The following ANKRD16 variants were observed in gnomAD, a reference collection of about 807,000 sequenced individuals.
ANKRD16 encodes the protein ankyrin repeat domain 16, also known as ankyrin repeat domain-containing protein 16.
Under a neutral mutation model 37.9 loss-of-function variants are expected in ANKRD16, and 35 were observed. The observed-to-expected ratio is 0.92, with a 90% CI of 0.71 to 1.23. ANKRD16 has a LOEUF of 1.23. ANKRD16 is among the 50% of genes most tolerant of loss of function. The probability of loss-of-function intolerance (pLI) is 0.00; values close to 1 mark genes in which losing one functional copy is unlikely to be tolerated. For synonymous variants in ANKRD16, 206 were observed against 197.2 expected, an observed-to-expected ratio of 1.04 and a Z score of -0.37; for missense variants, 480 against 469.9, an observed-to-expected ratio of 1.02 and a Z score of -0.20.
intron 6 of ANKRD16, among the ~76,000 whole-genome samples, chr10:5,879,382 C>T (rs1299163982): frequency 6.6e-6 from 1 of 151,806 alleles, no homozygotes; most frequent in Non-Finnish European, 1.5e-5. Flanking sequence ...GCAGAAGAAT[C>T]GCTTGAACCC....
intron 6 of ANKRD16, among the ~76,000 whole-genome samples, chr10:5,880,018 G>A (rs1407790811): frequency 6.6e-6 from 1 of 151,588 alleles, no homozygotes; most frequent in African/African-American, 2.4e-5. Context: ...AATTAGCCAG[G>A]CATGGTGGTG....
In ANKRD16 at chr10:5,864,400, A is replaced by C. The variant is rs889311705; in HGVS notation, c.*34-1709T>G. 6.6e-6 allele frequency among the ~76,000 whole-genome samples: 1 copy of C among 152,070 alleles called. No individual in the cohort carries two copies. The highest frequency in any genetic ancestry group is 1.5e-5 in the Non-Finnish European group (1 of 68,008). ...CTGTATGGGGAGGGGAATTTGGCCC[A>C]ACCCGGGTACATGTCCCCTTCTCCT... On this transcript the variant is annotated intron_variant, in intron 7 of 7. Transcript: ENST00000380094. The surrounding 1 kb of genome is among the most constrained non-coding windows in gnomAD (Gnocchi z 4.4).
intron 5 of ANKRD16, among the ~76,000 whole-genome samples, chr10:5,881,441 T>TAAATATATATATAA (rs1459236408): frequency 3.8e-4 from 8 of 21,294 alleles, no homozygotes. Flanking sequence ...ATATTATTTA[T>TAAATATATATATAA]ATATATATAT....
intron 5 of ANKRD16, among the ~76,000 whole-genome samples, chr10:5,881,438 T>TTATAAATAAATAAA (rs1422263395): frequency 2.0e-5 from 1 of 51,026 alleles, no homozygotes; most frequent in African/African-American, 7.4e-5. Context: ...AAAATATTAT[T>TTATAAATAAATAAA]TATATATATA....
rs748525342 is a variant in ANKRD16 at position 5,888,070 on chromosome 10, A to T, written c.315-3T>A. ...TGCAGGCCATCATCAGAGGAGTCCT[A>T]AGGCCAACCAGGAGAAGCTGTCAGA... is the stretch of plus-strand genomic sequence containing the variant. On this transcript the variant is annotated splice_polypyrimidine_tract_variant and splice_region_variant and intron_variant, in intron 1 of 7. Coordinates refer to ENST00000380094, the MANE Select transcript of ANKRD16 (RefSeq NM_019046.3). 1 of 1,613,224 alleles carries T rather than the reference A, an allele frequency of 6.2e-7. No individual in the cohort carries two copies. The highest frequency in any genetic ancestry group is 1.7e-5 in the Admixed American group (1 of 59,980).
intron 3 of ANKRD16, among the ~76,000 whole-genome samples, chr10:5,885,162 G>A (rs1842397760): frequency 2.6e-5 from 4 of 152,186 alleles, no homozygotes; most frequent in Admixed American, 2.6e-4. Context: ...CTTGCACCTG[G>A]TACAGGGCTT....
chr10:5,882,007 G>A lies in ANKRD16; in HGVS notation c.849+999C>T, dbSNP rs543910982. ...TGGCCGGTCTCGATCTCTTGACCCC[G>A]TGATCCGCCCGCCTTGGCCTCCCAA... On this transcript the variant is annotated intron_variant, in intron 5 of 7. Transcript: ENST00000380094. Among the ~76,000 whole-genome samples, 252 of 151,362 alleles carry A rather than the reference G, an allele frequency of 1.7e-3. 2 individuals carry two copies. The highest frequency in any genetic ancestry group is 5.6e-3 in the African/African-American group (229 of 41,246).
Position 5,869,693 on chromosome 10 carries a change from C to T in ANKRD16, c.*34-7002G>A, listed in dbSNP as rs951895336. On this transcript the variant is annotated intron_variant, in intron 7 of 7. Transcript: ENST00000380094. The surrounding 1 kb of genome is among the most constrained non-coding windows in gnomAD (Gnocchi z 4.0). ...GGCAGGGTGAACGCGAGTATTTCTC[C>T]TCATGCACAAGAAGCTACTCAATGC... is the stretch of plus-strand genomic sequence containing the variant. Among the ~76,000 whole-genome samples, 6 of 148,002 alleles carry T rather than the reference C, an allele frequency of 4.1e-5. No individual in the cohort carries two copies. The highest frequency in any genetic ancestry group is 8.9e-5 in the Non-Finnish European group (6 of 67,534).
rs1048100493 is a variant in ANKRD16 at position 5,874,091 on chromosome 10, AT to A, written c.*33+4005del. 5.3e-5 allele frequency among the ~76,000 whole-genome samples: 8 copies of A among 151,672 alleles called. No individual in the cohort carries two copies. Among genetic ancestry groups the A allele is most frequent in the African/African-American group, 1.9e-4 (8 of 41,132 alleles). On this transcript the variant is annotated intron_variant, in intron 7 of 7. Transcript: ENST00000380094. The surrounding 1 kb of genome is among the most constrained non-coding windows in gnomAD (Gnocchi z 4.7). ...TTTTTAGTAAAGACGGGATTTCACCATGTTGGCCAGGATGGTCTCGATCTCC... is the reference window on the plus strand; with the variant it reads ...TTTTTAGTAAAGACGGGATTTCACCAGTTGGCCAGGATGGTCTCGATCTCC...
At chr10:5,885,097 G>C (rs1207642313) in intron 3 of ANKRD16, among the ~76,000 whole-genome samples, 1 of 152,198 alleles carries the variant, frequency 6.6e-6, no homozygotes, top group Non-Finnish European at 1.5e-5. Flanking sequence ...TTTCCTGCCA[G>C]TCTGTTGAGT....
intron 7 of ANKRD16, among the ~76,000 whole-genome samples, chr10:5,872,130 G>A (rs904643086): frequency 6.6e-6 from 1 of 151,964 alleles, no homozygotes; most frequent in Non-Finnish European, 1.5e-5. Flanking sequence ...GCATAAGACG[G>A]CCATGAAACA....
At position 5,883,977 on chromosome 10, in the gene ANKRD16, C is replaced by T; in HGVS notation, c.679G>A (p.Glu227Lys). 6.2e-7 allele frequency: 1 copy of T among 1,613,794 alleles called. No individual in the cohort carries two copies. Among genetic ancestry groups the T allele is most frequent in the Non-Finnish European group, 8.5e-7 (1 of 1,179,816 alleles). ...HIDVARLLLD[E>K]HGACLSAEDS... Reference sequence around the variant, plus strand: ...CACAACCATTTTTATACCCCATGTTCATCGAGGAGCAGCCTAGCGACGTCG... The same window carrying T: ...CACAACCATTTTTATACCCCATGTTTATCGAGGAGCAGCCTAGCGACGTCG... The change falls in exon 4 of 8, where the codon GAA becomes AAA. Residue 227 changes from glutamate to lysine, a missense_variant. Coordinates refer to ENST00000380094, the MANE Select transcript of ANKRD16 (RefSeq NM_019046.3).
At chr10:5,872,801 C>T (rs1484703996) in intron 7 of ANKRD16, among the ~76,000 whole-genome samples, 2 of 151,780 alleles carry the variant, frequency 1.3e-5, no homozygotes, top group Non-Finnish European at 2.9e-5. Context: ...CGTGATCTGC[C>T]CCCCTTGGCC....
rs1842093631 is a variant in ANKRD16 at position 5,871,752 on chromosome 10, C to G, written c.*33+6345G>C. On this transcript the variant is annotated intron_variant, in intron 7 of 7. Transcript: ENST00000380094. This position sits in a 1 kb window ranked among gnomAD's most constrained non-coding sequence, Gnocchi z 4.5. ...CCTTATCCCACAGAGCCCTCACTCC[C>G]TCACCGCTGGCTTCCTCCCTCTGTG... is the stretch of plus-strand genomic sequence containing the variant. Among the ~76,000 whole-genome samples, 1 of 152,216 alleles carries G rather than the reference C, an allele frequency of 6.6e-6. No homozygotes were observed. The highest frequency in any genetic ancestry group is 2.4e-5 in the African/African-American group (1 of 41,454).
intron 3 of ANKRD16, 34 bp downstream of exon 3, chr10:5,885,689 A>C: frequency 6.2e-7 from 1 of 1,612,940 alleles, no homozygotes. Flanking sequence ...CATAGTTAGC[A>C]AATATTTTCC....
At position 5,880,338 on chromosome 10, in the gene ANKRD16, C is replaced by T; in HGVS notation, c.888G>A (p.Leu296=). The change falls in exon 6 of 8, where the codon TTG becomes TTA. Residue 296 remains leucine (L), a synonymous_variant. Coordinates refer to ENST00000380094, the MANE Select transcript of ANKRD16 (RefSeq NM_019046.3). ...HTSTIQTLLS[L]GADINSKDEK... is the part of the protein sequence containing the mutation. ...CATCTTTAGAATTGATGTCAGCTCC[C>T]AAGGATAAGAGAGTCTGAATTGTAC... 6.2e-7 allele frequency: 1 copy of T among 1,604,374 alleles called. No homozygotes were observed.
At chr10:5,886,135 T>C (rs182415541) in intron 2 of ANKRD16, among the ~76,000 whole-genome samples, 2 of 152,322 alleles carry the variant, frequency 1.3e-5, no homozygotes. Context: ...TGGATTTAAT[T>C]CCCCTACTAA....
chr10:5,882,843 T>C, intron 5 of ANKRD16, 163 bp downstream of exon 5: 1 of 714,000 alleles, frequency 1.4e-6, no homozygotes, highest in Non-Finnish European at 2.1e-6. Flanking sequence ...AGGTTTCTAT[T>C]TAAAGAGATA....
rs1842088710 is a variant in ANKRD16, at chr10:5,871,414, TAA to T, written c.*33+6681_*33+6682del. On this transcript the variant is annotated intron_variant, in intron 7 of 7. Transcript: ENST00000380094. The surrounding 1 kb of genome is among the most constrained non-coding windows in gnomAD (Gnocchi z 4.5). ...ATAAATAAATAAATAAATAAATAAA[TAA>T]ATAAATAAATATCACACCACATCAC... 6.6e-6 allele frequency among the ~76,000 whole-genome samples: 1 copy of T among 151,266 alleles called. No homozygotes were observed. Among genetic ancestry groups the T allele is most frequent in the Non-Finnish European group, 1.5e-5 (1 of 67,790 alleles).
Sources: gnomAD v4.1 joint callset for allele counts (sites outside exome capture counted in the v4.1 genomes callset) on GRCh38, gnomAD v4.1.1 for gene constraint, Gnocchi (gnomAD v3.1) non-coding constraint, MANE v1.5 for transcripts, NCBI Gene and HGNC (gene_info 2026-07-23, HGNC 2026-07-21) for gene names.